The following TRPM6 variants were observed in gnomAD, a reference collection of about 807,000 sequenced individuals.
TRPM6 encodes transient receptor potential cation channel subfamily M member 6.
In TRPM6, 111 loss-of-function variants were observed where a neutral mutation model predicts 247.6. The ratio of observed to expected loss-of-function variants is 0.45; its 90% CI spans 0.38 to 0.52. The LOEUF (loss-of-function observed/expected upper bound fraction) is 0.52. Among genes scored for constraint, TRPM6 ranks in the 20% least tolerant of loss-of-function variants. TRPM6 has a pLI of 0.00. For missense variants in TRPM6, 2,126 were observed against 2,421.5 expected, an observed-to-expected ratio of 0.88 and a Z score of 2.56; for synonymous variants, 892 against 853.8, an observed-to-expected ratio of 1.04 and a Z score of -0.78.
Position 74,812,727 on chromosome 9 carries a change from G to C in TRPM6, c.1309-294C>G, listed in dbSNP as rs61303156. Among the ~76,000 whole-genome samples the C allele has an allele frequency of 0.27, 41,171 of 151,728 alleles. 5,955 individuals carry two copies. The highest frequency in any genetic ancestry group is 0.38 in the African/African-American group (15,624 of 41,336). ...CAACACAGCAAAACCCTGTCTCTAC[G>C]AAAAATACAAAAATTAGCCAGGCAT... On this transcript the variant is annotated intron_variant, in intron 11 of 38. Transcript: ENST00000360774.
chr9:74,765,282 CA>C (rs1308099998), intron 25 of TRPM6, among the ~76,000 whole-genome samples: 1 of 137,412 alleles, frequency 7.3e-6, no homozygotes, highest in Non-Finnish European at 1.6e-5. Context: ...AGTTCAGAAA[CA>C]ATAGTTAAAA....
chr9:74,883,547 T>A (rs1831431729), intron 1 of TRPM6, among the ~76,000 whole-genome samples: 1 of 152,170 alleles, frequency 6.6e-6, no homozygotes, highest in South Asian at 2.1e-4. Context: ...TGTGACTGAT[T>A]GTGAAGAGAA....
At chr9:74,863,262 G>A (rs993416707) in intron 1 of TRPM6, among the ~76,000 whole-genome samples, 1 of 151,788 alleles carries the variant, frequency 6.6e-6, no homozygotes, top group African/African-American at 2.4e-5. Context: ...GGCCAGGCTG[G>A]TCTCAAACTC....
chr9:74,839,465 C>T (rs143481244), intron 5 of TRPM6, among the ~76,000 whole-genome samples: 27 of 152,164 alleles, frequency 1.8e-4, no homozygotes, highest in African/African-American at 6.5e-4. Context: ...GCCCAAAACA[C>T]GCAATGCAAG....
chr9:74,752,309 G>T lies in TRPM6; in HGVS notation c.4966C>A (p.Gln1656Lys). The change falls in exon 29 of 39, where the codon CAA (glutamine) becomes AAA (lysine). Residue 1656 changes from glutamine (Q) to lysine (K), a missense_variant. Transcript: ENST00000360774. ...KTKEIGQCAIQISDYLKQSQE... is the reference protein window; with the variant it reads ...KTKEIGQCAIKISDYLKQSQE... ...GACTGCTTTAGGTAATCACTGATTTGTATAGCACATTGTCCAATTTCTTTA... is the reference window on the plus strand; with the variant it reads ...GACTGCTTTAGGTAATCACTGATTTTTATAGCACATTGTCCAATTTCTTTA... 6.2e-7 allele frequency: 1 copy of T among 1,600,760 alleles called. No homozygotes were observed.
At chr9:74,855,595 T>C in intron 2 of TRPM6, 30 bp from the exon 3 acceptor site, 1 of 1,459,800 alleles carries the variant, frequency 6.9e-7, no homozygotes, top group Non-Finnish European at 9.6e-7. Flanking sequence ...CCTCTGTTAG[T>C]TTGTTGGTGT....
At chr9:74,766,741 T>C (rs1180857374) in intron 25 of TRPM6, among the ~76,000 whole-genome samples, 1 of 149,802 alleles carries the variant, frequency 6.7e-6, no homozygotes, top group East Asian at 2.0e-4. Flanking sequence ...TGAAACCCCA[T>C]CTCTACTAAA....
chr9:74,767,520 C>T (rs1826866982), intron 25 of TRPM6, among the ~76,000 whole-genome samples: 1 of 152,186 alleles, frequency 6.6e-6, no homozygotes, highest in South Asian at 2.1e-4. Flanking sequence ...CCTCTTCAAA[C>T]TATTGCTCAG....
At chr9:74,828,030 G>T in intron 6 of TRPM6, 81 bp from the exon 7 acceptor site, 2 of 1,422,172 alleles carry the variant, frequency 1.4e-6, no homozygotes, top group Non-Finnish European at 9.8e-7. Flanking sequence ...CTATCTTTAT[G>T]TGCTAAAAGA....
intron 18 of TRPM6, among the ~76,000 whole-genome samples, chr9:74,796,315 T>C (rs994866948): frequency 9.2e-5 from 14 of 152,202 alleles, no homozygotes; most frequent in African/African-American, 3.1e-4. Flanking sequence ...AGCCCCACAG[T>C]TGAAAAGGCT....
chr9:74,757,216 G>C (rs1022419537), intron 27 of TRPM6, among the ~76,000 whole-genome samples: 3 of 151,684 alleles, frequency 2.0e-5, no homozygotes, highest in African/African-American at 7.3e-5. Flanking sequence ...CCTAGAAAGA[G>C]AAGACCAGAG....
intron 23 of TRPM6, among the ~76,000 whole-genome samples, chr9:74,778,197 C>A (rs1193151610): frequency 6.6e-6 from 1 of 152,130 alleles, no homozygotes; most frequent in Non-Finnish European, 1.5e-5. Flanking sequence ...CCACCAGGGG[C>A]TTTTCAGAGC....
At chr9:74,840,827 TCA>T (rs1564041866) in intron 4 of TRPM6, among the ~76,000 whole-genome samples, 13 of 62,224 alleles carry the variant, frequency 2.1e-4, no homozygotes, top group Admixed American at 5.6e-4. Flanking sequence ...GGACTCTGTC[TCA>T]AAAAAAAAAA....
chr9:74,866,305 G>A (rs569887531), intron 1 of TRPM6, among the ~76,000 whole-genome samples: 1 of 152,196 alleles, frequency 6.6e-6, no homozygotes, highest in East Asian at 1.9e-4. Flanking sequence ...CTTAAAATTT[G>A]GGGGACACTC....
In TRPM6 at chr9:74,820,381, T is replaced by A; in HGVS notation, c.1057A>T (p.Asn353Tyr). ...TGTTTAAGACTAAAGTTGAAAGTGT[T>A]CTGAATCATGCAGATGATCTCCTCT... ...VKEEIICMIQ[N>Y]TFNFSLKQSK... is the part of the protein sequence containing the mutation. The change falls in exon 9 of 39, where the codon AAC (asparagine) becomes TAC (tyrosine). Residue 353 changes from asparagine to tyrosine, a missense_variant. Asn to Tyr is a moderately radical substitution (Grantham distance 143). Around this residue, in one of 3 missense-constraint regions of TRPM6, gnomAD observed 1,082 missense variants for 1,307.9 expected, o/e 0.83. Transcript: ENST00000360774. 6.2e-7 allele frequency: 1 copy of A among 1,614,110 alleles called. No homozygotes were observed. Among genetic ancestry groups the A allele is most frequent in the Non-Finnish European group, 8.5e-7 (1 of 1,180,010 alleles).
chr9:74,821,507 C>G (rs1311284111), intron 8 of TRPM6, among the ~76,000 whole-genome samples, 162 bp downstream of exon 8: 2 of 152,182 alleles, frequency 1.3e-5, no homozygotes, highest in African/African-American at 4.8e-5. Context: ...CGCTGAAGGG[C>G]ATTTTGATGT....
At chr9:74,784,886 A>G (rs1757393572) in intron 21 of TRPM6, among the ~76,000 whole-genome samples, 1 of 152,134 alleles carries the variant, frequency 6.6e-6, no homozygotes, top group Non-Finnish European at 1.5e-5. Context: ...CTGAGGCAGG[A>G]GGATCATTTG....
Position 74,820,309 on chromosome 9 carries a change from C to T in TRPM6, c.1129G>A (p.Asp377Asn). 2 of 1,614,024 alleles carry T rather than the reference C, an allele frequency of 1.2e-6. No homozygotes were observed. Among genetic ancestry groups the T allele is most frequent in the Non-Finnish European group, 1.7e-6 (2 of 1,179,950 alleles). Reference sequence around the variant, plus strand: ...CATCAACTCGTCATACTCACACAATCCCTGTGAACCATACACTCCATTAGA... The same window carrying T: ...CATCAACTCGTCATACTCACACAATTCCTGTGAACCATACACTCCATTAGA... ...QILMECMVHR[D>N]CITIFDADSE... Residue 377 changes from aspartate to asparagine, a missense_variant, in exon 9 of 39, where the codon GAT becomes AAT. Physicochemically the swap from Asp to Asn is conservative, Grantham distance 23. Around this residue, in one of 3 missense-constraint regions of TRPM6, gnomAD observed 1,082 missense variants for 1,307.9 expected, o/e 0.83. Coordinates refer to ENST00000360774, the MANE Select transcript of TRPM6 (RefSeq NM_017662.5).
At chr9:74,777,282 T>G (rs763706307) in intron 23 of TRPM6, among the ~76,000 whole-genome samples, 3 of 152,150 alleles carry the variant, frequency 2.0e-5, no homozygotes, top group Non-Finnish European at 4.4e-5. Context: ...ATTTAAATTT[T>G]GGGGGTTGGT....
Sources: gnomAD v4.1 joint callset for allele counts (sites outside exome capture counted in the v4.1 genomes callset) on GRCh38, gnomAD v4.1.1 for gene constraint, gnomAD v4.1.1 regional missense constraint, MANE v1.5 for transcripts, NCBI Gene and HGNC (gene_info 2026-07-23, HGNC 2026-07-21) for gene names.